Variants in DLG1 observed in about 807,000 individuals in gnomAD.
The protein encoded by DLG1 is disks large homolog 1.
In DLG1, 42 loss-of-function variants were observed where a neutral mutation model predicts 123.4. That is an observed-to-expected ratio of 0.34 (90% CI 0.27 to 0.44). The LOEUF (loss-of-function observed/expected upper bound fraction) is 0.44, where lower values mean the gene tolerates loss of function less well. Ranked by LOEUF, DLG1 falls within the 20% of genes least tolerant of loss-of-function variation. DLG1 has a pLI of 1.00. For missense variants in DLG1, 942 were observed against 1,082.6 expected (o/e 0.87, Z 1.82); for synonymous variants, 317 against 356.2 (o/e 0.89, Z 1.24).
intron 23 of DLG1, among the ~76,000 whole-genome samples, chr3:197,058,231 A>G (rs769789554): frequency 2.0e-5 from 3 of 152,098 alleles, no homozygotes; most frequent in Non-Finnish European, 2.9e-5. Context: ...CCGCCCACCT[A>G]GGCCTCCTGA....
rs1246687099 is a variant in DLG1 at position 197,078,931 on chromosome 3, A to C, written c.1905+2120T>G. Among the ~76,000 whole-genome samples, 4 of 152,218 alleles carry C rather than the reference A, an allele frequency of 2.6e-5. No individual in the cohort carries two copies. In the East Asian group the frequency reaches 7.7e-4, roughly 29 times the overall value. On this transcript the variant is annotated intron_variant, in intron 17 of 24. Coordinates refer to ENST00000667157, the MANE Select transcript of DLG1 (RefSeq NM_001366207.1). ...AATGTCTGATTCTTATTATCTTTGCAGTTAGCCAAAATGAGATATCATAAA... is the reference window on the plus strand; with the variant it reads ...AATGTCTGATTCTTATTATCTTTGCCGTTAGCCAAAATGAGATATCATAAA...
chr3:197,141,487 A>T (rs1289019352), intron 7 of DLG1, among the ~76,000 whole-genome samples: 1 of 152,220 alleles, frequency 6.6e-6, no homozygotes, highest in Non-Finnish European at 1.5e-5. Context: ...TGAGCAAGTG[A>T]TCCGAATTTA....
chr3:197,209,729 G>C (rs1441440028), intron 4 of DLG1, among the ~76,000 whole-genome samples: 1 of 146,322 alleles, frequency 6.8e-6, no homozygotes, highest in Non-Finnish European at 1.5e-5. Flanking sequence ...CCTAATATTT[G>C]AACATTAAAC....
At chr3:197,192,284 TTAAAAAAA>T (rs1425956107) in intron 5 of DLG1, among the ~76,000 whole-genome samples, 3 of 151,946 alleles carry the variant, frequency 2.0e-5, no homozygotes, top group Non-Finnish European at 4.4e-5. Flanking sequence ...ACATCAGACA[TTAAAAAAA>T]TACAATAAGA....
chr3:197,155,282 TA>T (rs1210351105), intron 5 of DLG1, among the ~76,000 whole-genome samples: 2 of 152,102 alleles, frequency 1.3e-5, no homozygotes, highest in Non-Finnish European at 2.9e-5. Flanking sequence ...TACTCACTGC[TA>T]AAATAAGACG....
chr3:197,273,989 T>C (rs959627956), intron 4 of DLG1, among the ~76,000 whole-genome samples: 6 of 152,054 alleles, frequency 3.9e-5, no homozygotes, highest in African/African-American at 7.2e-5. Context: ...CCCATGTTCA[T>C]AGATTGGAAA....
chr3:197,123,703 T>C (rs570176879), intron 11 of DLG1, among the ~76,000 whole-genome samples: 1 of 152,280 alleles, frequency 6.6e-6, no homozygotes, highest in East Asian at 1.9e-4. Context: ...ACTAAACATA[T>C]GCCTACCCTG....
chr3:197,205,137 C>T (rs909427207), intron 4 of DLG1, among the ~76,000 whole-genome samples: 22 of 152,254 alleles, frequency 1.4e-4, no homozygotes, highest in African/African-American at 5.1e-4. Context: ...AATACTGGGA[C>T]TTACTCCTTC....
intron 5 of DLG1, among the ~76,000 whole-genome samples, chr3:197,185,699 G>A (rs1276549447): frequency 6.6e-6 from 1 of 152,180 alleles, no homozygotes; most frequent in Non-Finnish European, 1.5e-5. Context: ...CCTAAAATAT[G>A]TGCCTTGATC....
chr3:197,249,348 G>T (rs1753261089), intron 4 of DLG1, among the ~76,000 whole-genome samples: 1 of 151,960 alleles, frequency 6.6e-6, no homozygotes. Context: ...ATTGAACCAT[G>T]AAGAAAGAAA....
chr3:197,139,697 C>T (rs1339345678), intron 8 of DLG1, among the ~76,000 whole-genome samples: 1 of 152,092 alleles, frequency 6.6e-6, no homozygotes, highest in Non-Finnish European at 1.5e-5. Flanking sequence ...GTGTGATCCT[C>T]TATCCTCCGT....
chr3:197,292,825 A>G (rs1346922849), intron 3 of DLG1, among the ~76,000 whole-genome samples: 3 of 152,144 alleles, frequency 2.0e-5, no homozygotes, highest in Non-Finnish European at 4.4e-5. Flanking sequence ...AAATCACATG[A>G]CTCAACTTAC....
At chr3:197,135,207 G>A (rs568225335) in intron 10 of DLG1, among the ~76,000 whole-genome samples, 20 of 152,238 alleles carry the variant, frequency 1.3e-4, no homozygotes, top group African/African-American at 4.8e-4. Flanking sequence ...TTTCCCTAAG[G>A]AACATGGACT....
At chr3:197,134,421 A>G (rs188557077) in intron 10 of DLG1, among the ~76,000 whole-genome samples, 1 of 149,728 alleles carries the variant, frequency 6.7e-6, no homozygotes, top group Non-Finnish European at 1.5e-5. Context: ...ATTCTTGTAC[A>G]TGTTCACCAG....
chr3:197,292,188 T>C (rs1333218827), intron 3 of DLG1, among the ~76,000 whole-genome samples: 3 of 152,192 alleles, frequency 2.0e-5, no homozygotes, highest in African/African-American at 7.2e-5. Flanking sequence ...AACAGCATTA[T>C]TCACAACAGC....
At chr3:197,207,743 T>TGA (rs1729348473) in intron 4 of DLG1, among the ~76,000 whole-genome samples, 1 of 115,944 alleles carries the variant, frequency 8.6e-6, no homozygotes, top group Non-Finnish European at 2.1e-5. Context: ...AAAGTTTATA[T>TGA]CTTCAACCAA....
chr3:197,288,740 A>AT (rs1488274966), intron 3 of DLG1, among the ~76,000 whole-genome samples: 105 of 122,800 alleles, frequency 8.6e-4, no homozygotes, highest in East Asian at 4.7e-3. Context: ...AAAAAAAAAA[A>AT]AAAATACATA....
intron 4 of DLG1, among the ~76,000 whole-genome samples, chr3:197,272,555 G>A (rs1764375431): frequency 1.3e-5 from 2 of 152,254 alleles, no homozygotes; most frequent in African/African-American, 4.8e-5. Context: ...AGACCTGAAT[G>A]TAAAAGAATG....
chr3:197,284,885 G>T (rs1168535552), intron 3 of DLG1, among the ~76,000 whole-genome samples: 2 of 151,670 alleles, frequency 1.3e-5, no homozygotes, highest in African/African-American at 4.8e-5. Context: ...GCCTAAACTG[G>T]GTTTCCACAA....
Sources: gnomAD v4.1 joint callset for allele counts (sites outside exome capture counted in the v4.1 genomes callset) on GRCh38, gnomAD v4.1.1 for gene constraint, MANE v1.5 for transcripts, NCBI Gene and HGNC (gene_info 2026-07-23, HGNC 2026-07-21) for gene names.